AGO2: variants seen among roughly 807,000 people sequenced by gnomAD.
The protein encoded by AGO2 is argonaute RISC catalytic component 2, also known as protein argonaute-2.
A neutral mutation model predicts 102.3 loss-of-function variants in AGO2; 5 were observed. The ratio of observed to expected loss-of-function variants is 0.05; its 90% confidence interval spans 0.03 to 0.10. The LOEUF (loss-of-function observed/expected upper bound fraction) is 0.10, where lower values mean the gene tolerates loss of function less well. Among genes scored for constraint, AGO2 ranks in the 10% least tolerant of loss-of-function variants. AGO2 has a pLI of 1.00. For synonymous variants in AGO2, 449 were observed against 473.1 expected (o/e 0.95, Z 0.66); for missense variants, 541 against 1,183.7 (o/e 0.46, Z 7.97).
Position 140,521,427 on chromosome 8 carries a change from C to G in AGO2, c.*10617G>C, listed in dbSNP as rs953493553. The G allele has an allele frequency of 1.3e-5, 2 of 152,184 alleles. No homozygotes were observed. Among genetic ancestry groups the G allele is most frequent in the African/African-American group, 4.8e-5 (2 of 41,432 alleles). The allele number at this position is 152,184 out of a possible 1,614,324, so 9.4% of individuals were successfully genotyped here. The stretch of plus-strand genomic sequence containing the variant: ...GGAATGTTGGTTCTCTTGTAAAATT[C>G]AGAGATCTCTTTAAAATAGTAAAAC... On this transcript the variant is annotated 3_prime_UTR_variant, in exon 19 of 19. Coordinates refer to ENST00000220592, the MANE Select transcript of AGO2 (RefSeq NM_012154.5).
At chr8:140,561,054 G>A (rs1371413107) in intron 4 of AGO2, among the ~76,000 whole-genome samples, 1 of 152,262 alleles carries the variant, frequency 6.6e-6, no homozygotes, top group Non-Finnish European at 1.5e-5. Flanking sequence ...GCTGCCCGCT[G>A]TGGGCTCCCC....
intron 2 of AGO2, among the ~76,000 whole-genome samples, chr8:140,580,006 C>T (rs993120650): frequency 6.6e-6 from 1 of 152,248 alleles, no homozygotes; most frequent in Non-Finnish European, 1.5e-5. Context: ...GGGAGAGGAG[C>T]CCACCTCCTC....
chr8:140,615,441 G>A (rs1290441296), intron 1 of AGO2, among the ~76,000 whole-genome samples: 1 of 152,214 alleles, frequency 6.6e-6, no homozygotes, highest in Non-Finnish European at 1.5e-5. Flanking sequence ...ATGCCACAGT[G>A]GCCCCGGCCC....
In AGO2 at chr8:140,556,033, C is replaced by T; in HGVS notation, c.1147-15G>A. The T allele has an allele frequency of 6.2e-7, 1 of 1,613,920 alleles. No individual in the cohort carries two copies. Among genetic ancestry groups the T allele is most frequent in the South Asian group, 1.1e-5 (1 of 91,066 alleles). On this transcript the variant is annotated splice_polypyrimidine_tract_variant and intron_variant, in intron 9 of 18. Transcript: ENST00000220592. Reference sequence around the variant, plus strand: ...GCACTTCGCATCTGGCAAAGGGAAACAAGAAAACGCACGGAGTGGGTGGAG... The same window carrying T: ...GCACTTCGCATCTGGCAAAGGGAAATAAGAAAACGCACGGAGTGGGTGGAG...
chr8:140,539,545 A>G lies in AGO2; in HGVS notation c.2035-91T>C. ...TGCGGGTTCTGGGTTGAGAACACCC[A>G]GCCGTGGTGATTCTGAGAGACAATG... On this transcript the variant is annotated intron_variant, in intron 15 of 18. Coordinates refer to ENST00000220592, the MANE Select transcript of AGO2 (RefSeq NM_012154.5). This position sits in a 1 kb window ranked among gnomAD's most constrained non-coding sequence, Gnocchi z 4.7. The G allele has an allele frequency of 1.4e-6, 2 of 1,436,046 alleles. No homozygotes were observed. The highest frequency in any genetic ancestry group is 1.4e-5 in the African/African-American group (1 of 70,444). The allele number at this position is 1,436,046 out of a possible 1,614,324, so 89.0% of individuals were successfully genotyped here.
intron 16 of AGO2, among the ~76,000 whole-genome samples, chr8:140,538,979 C>G (rs773569308): frequency 3.3e-5 from 5 of 152,124 alleles, no homozygotes; most frequent in Non-Finnish European, 7.4e-5. Flanking sequence ...TGGTGCATGC[C>G]TTAGTCCTAG....
At chr8:140,560,760 G>A (rs1299742292) in intron 4 of AGO2, among the ~76,000 whole-genome samples, 2 of 152,340 alleles carry the variant, frequency 1.3e-5, no homozygotes, top group African/African-American at 4.8e-5. Context: ...TAAAGACACC[G>A]CACAGGTGGA....
chr8:140,614,883 G>A (rs1564117563), intron 1 of AGO2, among the ~76,000 whole-genome samples: 1 of 152,234 alleles, frequency 6.6e-6, no homozygotes, highest in Non-Finnish European at 1.5e-5. Flanking sequence ...CTGAAGTCAT[G>A]AGAACTCACT....
chr8:140,614,219 G>A (rs1169260002), intron 1 of AGO2, among the ~76,000 whole-genome samples: 1 of 152,060 alleles, frequency 6.6e-6, no homozygotes. Context: ...AGCTACTCGG[G>A]AGGCAGAGGC....
intron 1 of AGO2, among the ~76,000 whole-genome samples, chr8:140,587,236 G>C (rs993516029): frequency 6.6e-6 from 1 of 152,202 alleles, no homozygotes; most frequent in Non-Finnish European, 1.5e-5. Context: ...TGTGAATAAA[G>C]GCAATGGGAA....
chr8:140,545,130 G>A (rs1054517739), intron 13 of AGO2, among the ~76,000 whole-genome samples: 3 of 152,006 alleles, frequency 2.0e-5, no homozygotes, highest in Admixed American at 6.6e-5. Flanking sequence ...CCATTTCCCT[G>A]CATGCCTGTG....
chr8:140,529,258 G>A lies in AGO2; in HGVS notation c.*2786C>T, dbSNP rs1011212276. 1 of 152,230 alleles carries A rather than the reference G, an allele frequency of 6.6e-6. No homozygotes were observed. The highest frequency in any genetic ancestry group is 1.5e-5 in the Non-Finnish European group (1 of 68,058). The allele number at this position is 152,230 out of a possible 1,614,324, so 9.4% of individuals were successfully genotyped here. Reference sequence around the variant, plus strand: ...ACATGATCAGACGATCAGATGCCGGGGAAGGGCCACCTCTGGCTTTCACGT... The same window carrying A: ...ACATGATCAGACGATCAGATGCCGGAGAAGGGCCACCTCTGGCTTTCACGT... On this transcript the variant is annotated 3_prime_UTR_variant, in exon 19 of 19. Transcript: ENST00000220592.
chr8:140,623,690 G>A (rs532685334), intron 1 of AGO2, among the ~76,000 whole-genome samples: 4 of 152,098 alleles, frequency 2.6e-5, no homozygotes, highest in East Asian at 1.9e-4. Flanking sequence ...GCAGCCCCAT[G>A]GCCCCTCCCT....
intron 1 of AGO2, among the ~76,000 whole-genome samples, chr8:140,621,016 G>A (rs893104501): frequency 6.6e-6 from 1 of 152,102 alleles, no homozygotes; most frequent in East Asian, 1.9e-4. Flanking sequence ...GGGTTCAAGC[G>A]ATCTCCCTGC....
chr8:140,538,438 C>T (rs1162069387), intron 16 of AGO2, among the ~76,000 whole-genome samples: 1 of 152,216 alleles, frequency 6.6e-6, no homozygotes, highest in Non-Finnish European at 1.5e-5. Flanking sequence ...TTTCTTTTTA[C>T]TTATCCTACT....
chr8:140,562,312 T>C (rs1299147255), intron 4 of AGO2, 141 bp downstream of exon 4: 2 of 1,010,100 alleles, frequency 2.0e-6, no homozygotes, highest in East Asian at 5.3e-5. Context: ...ATTTGTGTTA[T>C]CTTCATCACA....
At chr8:140,572,778 T>A (rs369362460) in intron 3 of AGO2, 34 bp downstream of exon 3, 54 of 1,601,536 alleles carry the variant, frequency 3.4e-5, no homozygotes, top group Non-Finnish European at 4.4e-5. Context: ...CTTCACCGTA[T>A]GTTACTCCAC....
At chr8:140,635,383 G>C in intron 1 of AGO2, 102 bp downstream of exon 1, 48 of 505,474 alleles carry the variant, frequency 9.5e-5, no homozygotes, top group Non-Finnish European at 1.1e-4. Flanking sequence ...CCCCGACCCC[G>C]CGGCCCCCCG....
chr8:140,579,733 G>A (rs373763758), intron 2 of AGO2, among the ~76,000 whole-genome samples: 16 of 152,194 alleles, frequency 1.1e-4, no homozygotes, highest in African/African-American at 3.6e-4. Context: ...GAAGGAGAAC[G>A]GGTGGGTCAG....
Sources: allele counts gnomAD v4.1 joint callset (sites outside exome capture counted in the v4.1 genomes callset), GRCh38; gene constraint gnomAD v4.1.1; non-coding constraint Gnocchi (gnomAD v3.1); transcripts MANE v1.5; gene names NCBI Gene and HGNC (gene_info 2026-07-23, HGNC 2026-07-21).